The following NKAIN3 variants were observed in gnomAD, a reference collection of about 807,000 sequenced individuals.
NKAIN3 encodes sodium/potassium-transporting ATPase subunit beta-1-interacting protein 3.
A neutral mutation model predicts 30.2 loss-of-function variants in NKAIN3; 25 were observed. That is an observed-to-expected ratio of 0.83 (90% confidence interval 0.60 to 1.16). The LOEUF is 1.16. Among genes scored for constraint, NKAIN3 ranks in the 50% most tolerant of loss-of-function variants. The pLI is 0.00. For synonymous variants in NKAIN3, 91 were observed against 89.6 expected (o/e 1.02, Z -0.09); for missense variants, 225 against 254.1 (o/e 0.89, Z 0.78).
At chr8:62,894,019 A>C (rs1821363181) in intron 4 of NKAIN3, among the ~76,000 whole-genome samples, 1 of 152,224 alleles carries the variant, frequency 6.6e-6, no homozygotes, top group African/African-American at 2.4e-5. Flanking sequence ...CCAGGACTCC[A>C]TATAATAGAT....
intron 3 of NKAIN3, among the ~76,000 whole-genome samples, chr8:62,643,294 A>G (rs1812362607): frequency 6.6e-6 from 1 of 152,170 alleles, no homozygotes; most frequent in Non-Finnish European, 1.5e-5. Flanking sequence ...TAACACACTA[A>G]AACATAACTT....
At chr8:62,941,794 A>G (rs2130883609) in intron 5 of NKAIN3, among the ~76,000 whole-genome samples, 1 of 152,288 alleles carries the variant, frequency 6.6e-6, no homozygotes, top group African/African-American at 2.4e-5. Context: ...TGACAAACCC[A>G]CAGCCAACAC....
chr8:62,481,694 A>T, intron 1 of NKAIN3, among the ~76,000 whole-genome samples: 1 of 152,216 alleles, frequency 6.6e-6, no homozygotes, highest in Non-Finnish European at 1.5e-5. Flanking sequence ...CCAAGACTTA[A>T]AAATAATTTC....
intron 1 of NKAIN3, among the ~76,000 whole-genome samples, chr8:62,465,334 C>T (rs369718586): frequency 6.6e-6 from 1 of 151,966 alleles, no homozygotes; most frequent in African/African-American, 2.4e-5. Context: ...GCAAGCTAAT[C>T]GGCAATGAAA....
chr8:62,909,762 G>A (rs1316403728), intron 4 of NKAIN3, among the ~76,000 whole-genome samples: 1 of 152,106 alleles, frequency 6.6e-6, no homozygotes, highest in Non-Finnish European at 1.5e-5. Flanking sequence ...AAAGTAAAAG[G>A]AAATGTTTTA....
At chr8:62,865,847 G>T (rs1820398995) in intron 4 of NKAIN3, among the ~76,000 whole-genome samples, 2 of 152,160 alleles carry the variant, frequency 1.3e-5, no homozygotes, top group African/African-American at 4.8e-5. Flanking sequence ...TCAAATTTCA[G>T]AAAAGCTACC....
At chr8:62,417,591 A>G (rs147390530) in intron 1 of NKAIN3, among the ~76,000 whole-genome samples, 68 of 152,264 alleles carry the variant, frequency 4.5e-4, no homozygotes, top group African/African-American at 1.6e-3. Flanking sequence ...TCCTACCAAC[A>G]GTATACAAGA....
intron 5 of NKAIN3, chr8:62,990,342 A>T (rs897899867): frequency 1.5e-6 from 2 of 1,334,764 alleles, no homozygotes; most frequent in East Asian, 5.8e-5. Context: ...CCCCAGATTC[A>T]ACATCTTCCT....
intron 2 of NKAIN3, among the ~76,000 whole-genome samples, chr8:62,588,386 CT>C (rs1343313924): frequency 6.6e-6 from 1 of 150,748 alleles, no homozygotes; most frequent in Admixed American, 6.6e-5. Flanking sequence ...GATTTTTGAG[CT>C]TTTACTCATT....
At chr8:62,350,677 G>T (rs1816152193) in intron 1 of NKAIN3, among the ~76,000 whole-genome samples, 2 of 151,892 alleles carry the variant, frequency 1.3e-5, no homozygotes, top group South Asian at 4.2e-4. Context: ...AGAGAGTAAT[G>T]AGCTTTTTAA....
intron 5 of NKAIN3, among the ~76,000 whole-genome samples, chr8:62,992,147 G>A (rs1227135003): frequency 6.6e-6 from 1 of 151,896 alleles, no homozygotes; most frequent in Non-Finnish European, 1.5e-5. Flanking sequence ...CAGAGTAGCT[G>A]GGATTACAGG....
chr8:62,702,443 T>C (rs2130471236), intron 3 of NKAIN3, among the ~76,000 whole-genome samples: 1 of 152,356 alleles, frequency 6.6e-6, no homozygotes, highest in South Asian at 2.1e-4. Flanking sequence ...GAAGCATATG[T>C]TTGGTTATTA....
chr8:62,822,796 G>T (rs1275152345), intron 4 of NKAIN3, among the ~76,000 whole-genome samples: 1 of 152,136 alleles, frequency 6.6e-6, no homozygotes, highest in African/African-American at 2.4e-5. Context: ...CCTGAGAAGT[G>T]CATTCTTAGG....
Position 62,398,131 on chromosome 8 carries a change from C to T in NKAIN3, c.54+149004C>T, listed in dbSNP as rs186059765. Reference sequence around the variant, plus strand: ...GAGATGAACGAGGAGATAACATTTTCAAGCAGAAGCAGAAAGAGGAACAGA... The same window carrying T: ...GAGATGAACGAGGAGATAACATTTTTAAGCAGAAGCAGAAAGAGGAACAGA... On this transcript the variant is annotated intron_variant, in intron 1 of 6. Coordinates refer to ENST00000623646, the MANE Select transcript of NKAIN3 (RefSeq NM_001304533.3). 3.6e-3 allele frequency among the ~76,000 whole-genome samples: 548 copies of T among 152,166 alleles called. 4 individuals carry two copies. Among genetic ancestry groups the T allele is most frequent in the African/African-American group, 0.013 (534 of 41,530 alleles).
chr8:62,514,134 T>A (rs1432200597), intron 1 of NKAIN3, among the ~76,000 whole-genome samples: 1 of 152,124 alleles, frequency 6.6e-6, no homozygotes, highest in African/African-American at 2.4e-5. Flanking sequence ...ATTCCCAGCT[T>A]ACTCTCATTG....
chr8:62,889,845 C>T (rs1008589608), intron 4 of NKAIN3, among the ~76,000 whole-genome samples: 2 of 151,904 alleles, frequency 1.3e-5, no homozygotes, highest in Non-Finnish European at 2.9e-5. Flanking sequence ...CGTGGCATAA[C>T]TTTTAATTAG....
chr8:62,610,606 A>G (rs1298454396), intron 3 of NKAIN3, among the ~76,000 whole-genome samples: 1 of 152,174 alleles, frequency 6.6e-6, no homozygotes, highest in African/African-American at 2.4e-5. Context: ...ACTGATGAAC[A>G]GCTGAGAAAA....
intron 3 of NKAIN3, among the ~76,000 whole-genome samples, chr8:62,722,330 C>A (rs1045781076): frequency 6.6e-6 from 1 of 152,164 alleles, no homozygotes; most frequent in African/African-American, 2.4e-5. Context: ...TAAGTAGTGG[C>A]TTGGAAGCCC....
chr8:62,948,821 TTCA>T (rs1823200923), intron 5 of NKAIN3, among the ~76,000 whole-genome samples: 1 of 152,200 alleles, frequency 6.6e-6, no homozygotes, highest in African/African-American at 2.4e-5. Flanking sequence ...CCTCTCTTTC[TTCA>T]TCTAACGGTG....
Sources: allele counts gnomAD v4.1 joint callset (sites outside exome capture counted in the v4.1 genomes callset), GRCh38; gene constraint gnomAD v4.1.1; transcripts MANE v1.5; gene names NCBI Gene and HGNC (gene_info 2026-07-23, HGNC 2026-07-21).